The following FANCD2 variants were observed in gnomAD, a reference collection of about 807,000 sequenced individuals.
FANCD2 encodes FA complementation group D2.
In FANCD2, 131 loss-of-function variants were observed where a neutral mutation model predicts 192.3. The observed-to-expected ratio is 0.68, with a 90% CI of 0.59 to 0.79. FANCD2 has a LOEUF of 0.79. FANCD2 is among the 30% of genes least tolerant of loss of function. The pLI is 0.00. For synonymous variants in FANCD2, 524 were observed against 612.5 expected, an observed-to-expected ratio of 0.86 and a Z score of 2.13; for missense variants, 1,508 against 1,701.6, an observed-to-expected ratio of 0.89 and a Z score of 2.00.
chr3:10,055,193 A>G (rs989351303), intron 18 of FANCD2, among the ~76,000 whole-genome samples: 21 of 152,132 alleles, frequency 1.4e-4, no homozygotes, highest in Admixed American at 1.1e-3. Flanking sequence ...AGACCGTTTA[A>G]GCTGTTTTTA....
intron 10 of FANCD2, among the ~76,000 whole-genome samples, chr3:10,042,282 T>C (rs963582309): frequency 2.4e-4 from 37 of 152,182 alleles, no homozygotes; most frequent in African/African-American, 8.7e-4. Context: ...AATAATACTT[T>C]TTATGCCTTA....
At chr3:10,088,706 G>A in intron 35 of FANCD2, 122 bp from the exon 36 acceptor site, 1 of 1,186,986 alleles carries the variant, frequency 8.4e-7, no homozygotes, top group South Asian at 1.2e-5. Flanking sequence ...AGATCCTCTG[G>A]TTCTGTTTTA....
intron 9 of FANCD2, chr3:10,041,036 A>G (rs1263925182): frequency 1.8e-5 from 3 of 164,892 alleles, no homozygotes; most frequent in African/African-American, 7.2e-5. Context: ...TTTCAAAAAC[A>G]TACAAAAATT....
intron 26 of FANCD2, among the ~76,000 whole-genome samples, chr3:10,068,025 A>G (rs968402028): frequency 3.9e-5 from 6 of 152,204 alleles, no homozygotes; most frequent in Admixed American, 6.5e-5. Flanking sequence ...CATAGCTACT[A>G]TTAAACTGAA....
In FANCD2 at chr3:10,088,484, C is replaced by CT; in HGVS notation, c.3502_3503insT (p.Pro1168LeufsTer5). 1 of 1,612,276 alleles carries CT rather than the reference C, an allele frequency of 6.2e-7. No homozygotes were observed. On this transcript the variant is annotated frameshift_variant, in exon 35 of 44. Transcript: ENST00000675286. LOFTEE classifies it high-confidence loss of function. Reference sequence around the variant, plus strand: ...CAGACAATTCCTCTGTCGGGTGTGGCCAAGTGGGGATAAAGAGAAGAGCAA... The same window carrying CT: ...CAGACAATTCCTCTGTCGGGTGTGGCTCAAGTGGGGATAAAGAGAAGAGCAA...
rs1184887168 is a variant in FANCD2 at position 10,039,851 on chromosome 3, T to TAA, written c.695+8_695+9dup. 2 of 1,614,020 alleles carry TAA rather than the reference T, an allele frequency of 1.2e-6. No homozygotes were observed. The highest frequency in any genetic ancestry group is 3.3e-5 in the Admixed American group (2 of 60,000). On this transcript the variant is annotated splice_region_variant and intron_variant, in intron 9 of 43. Coordinates refer to ENST00000675286, the MANE Select transcript of FANCD2 (RefSeq NM_001018115.3). Reference sequence around the variant, plus strand: ...GATGTGGGGAAAGAACTCAGGTGGATAAACCCTCTGTCATCATCTAAGTGA... The same window carrying TAA: ...GATGTGGGGAAAGAACTCAGGTGGATAAAAACCCTCTGTCATCATCTAAGTGA...
In FANCD2 at chr3:10,081,218, A is replaced by G; in HGVS notation, c.3095A>G (p.Asn1032Ser). 6.2e-7 allele frequency: 1 copy of G among 1,614,158 alleles called. No individual in the cohort carries two copies. The highest frequency in any genetic ancestry group is 1.1e-5 in the South Asian group (1 of 91,084). Residue 1032 changes from asparagine to serine, a missense_variant, in exon 31 of 44, where the codon AAC (asparagine) becomes AGC (serine). Around this residue, in one of 5 missense-constraint regions of FANCD2, gnomAD observed 796 missense variants for 879.4 expected, o/e 0.91. Coordinates refer to ENST00000675286, the MANE Select transcript of FANCD2 (RefSeq NM_001018115.3). The stretch of plus-strand genomic sequence containing the variant: ...TGTAACCACCTGGAGAACATTCACA[A>G]CTATTTTCAGGTCAGAAGCCTAGAC... ...PMCNHLENIH[N>S]YFQCLAAENH...
intron 7 of FANCD2, among the ~76,000 whole-genome samples, chr3:10,038,093 T>C (rs1317513032): frequency 6.6e-6 from 1 of 152,064 alleles, no homozygotes; most frequent in East Asian, 1.9e-4. Flanking sequence ...TGGGTTCAAG[T>C]GATTCTCCTG....
chr3:10,032,739 A>T (rs900910837), intron 2 of FANCD2, 93 bp from the exon 3 acceptor site: 25 of 1,095,378 alleles, frequency 2.3e-5, no homozygotes, highest in Non-Finnish European at 3.5e-5. Context: ...TTAAGGACAC[A>T]TCAGTTTTCC....
chr3:10,051,411 AAAGGAGTG>A (rs1667733582), intron 17 of FANCD2, among the ~76,000 whole-genome samples: 9 of 15,404 alleles, frequency 5.8e-4, no homozygotes, highest in South Asian at 3.7e-3. Flanking sequence ...AAAAAAACAA[AAAGGAGTG>A]AGGGATTTAT....
chr3:10,098,977 G>T (rs200172687), intron 43 of FANCD2, 162 bp downstream of exon 43: 1 of 1,613,950 alleles, frequency 6.2e-7, no homozygotes, highest in Admixed American at 1.7e-5. Flanking sequence ...ATAATTTTTG[G>T]GACCCAGAAG....
In FANCD2 at chr3:10,028,721, AGT is replaced by A. The variant is rs777719596; in HGVS notation, c.64+1_64+2del. On this transcript the variant is annotated splice_donor_variant, in intron 2 of 43. Coordinates refer to ENST00000675286, the MANE Select transcript of FANCD2 (RefSeq NM_001018115.3). LOFTEE classifies it high-confidence loss of function. ...AGAGAGCCTGACAGAAGATGCCTCC[AGT>A]AAGTATCTAGTCATTTGTTGCTTTA... The A allele has an allele frequency of 6.2e-7, 1 of 1,612,152 alleles. No homozygotes were observed. The highest frequency in any genetic ancestry group is 1.7e-5 in the Admixed American group (1 of 60,020).
intron 30 of FANCD2, among the ~76,000 whole-genome samples, chr3:10,079,454 C>T (rs190769351): frequency 1.9e-4 from 29 of 151,994 alleles, no homozygotes; most frequent in African/African-American, 4.3e-4. Flanking sequence ...TACAGGCGCG[C>T]GCCACCACAC....
intron 32 of FANCD2, 35 bp from the exon 33 acceptor site, chr3:10,085,777 A>C: frequency 7.2e-7 from 1 of 1,390,072 alleles, no homozygotes; most frequent in Non-Finnish European, 1.0e-6. Flanking sequence ...GTTTTCCAGA[A>C]ACTAAGCTAA....
At position 10,046,569 on chromosome 3, in the gene FANCD2, A is replaced by G. The variant is rs200698016; in HGVS notation, c.1135-11A>G. On this transcript the variant is annotated splice_polypyrimidine_tract_variant and intron_variant, in intron 14 of 43. Transcript: ENST00000675286. ...ACTGTTTTTCTGTTGTTGCATATTT[A>G]TTGACAATAGGTGTTTGACCTGGTG... 3.8e-5 allele frequency: 61 copies of G among 1,614,174 alleles called. No homozygotes were observed. The East Asian group carries it at 6.0e-4, about 16-fold the overall frequency.
chr3:10,095,117 G>A, intron 40 of FANCD2, 83 bp from the exon 41 acceptor site: 1 of 1,180,118 alleles, frequency 8.5e-7, no homozygotes, highest in East Asian at 2.4e-5. Flanking sequence ...TATCCTCTTT[G>A]GAGCTTTTGA....
In FANCD2 at chr3:10,028,656, A is replaced by G; in HGVS notation, c.-2A>G. 6.2e-7 allele frequency: 1 copy of G among 1,614,010 alleles called. No individual in the cohort carries two copies. Among genetic ancestry groups the G allele is most frequent in the Non-Finnish European group, 8.5e-7 (1 of 1,179,888 alleles). On this transcript the variant is annotated 5_prime_UTR_variant, in exon 2 of 44. Transcript: ENST00000675286. The stretch of plus-strand genomic sequence containing the variant: ...ATTTAAGTGCACAAGACATTGGTCA[A>G]AATGGTTTCCAAAAGAAGACTGTCA...
intron 20 of FANCD2, among the ~76,000 whole-genome samples, chr3:10,062,507 GC>G (rs2125030477): frequency 6.6e-6 from 1 of 152,070 alleles, no homozygotes; most frequent in East Asian, 1.9e-4. Context: ...CTCCCAAAGT[GC>G]TGGGAGTACA....
chr3:10,032,289 AT>A (rs1318811465), intron 2 of FANCD2: 4 of 406,794 alleles, frequency 9.8e-6, no homozygotes, highest in South Asian at 1.8e-5. Context: ...GTTTGAATTT[AT>A]TTTTTTAGAG....
Sources: gnomAD v4.1 joint callset for allele counts (sites outside exome capture counted in the v4.1 genomes callset) on GRCh38, gnomAD v4.1.1 for gene constraint, gnomAD v4.1.1 regional missense constraint, MANE v1.5 for transcripts, NCBI Gene and HGNC (gene_info 2026-07-23, HGNC 2026-07-21) for gene names.